The following BBS9 variants were observed in gnomAD, a reference collection of about 807,000 sequenced individuals.
BBS9 encodes the protein protein PTHB1.
In BBS9, 89 loss-of-function variants were observed where a neutral mutation model predicts 117.7. The observed-to-expected ratio is 0.76, with a 90% CI of 0.64 to 0.90. The LOEUF is 0.90. BBS9 is among the 40% of genes least tolerant of loss of function. BBS9 has a pLI of 0.00. For synonymous variants in BBS9, 379 were observed against 370.9 expected (o/e 1.02, Z -0.25); for missense variants, 982 against 1,042.2 (o/e 0.94, Z 0.80).
chr7:33,403,768 A>G (rs185336979), intron 19 of BBS9, among the ~76,000 whole-genome samples: 123 of 152,208 alleles, frequency 8.1e-4, no homozygotes, highest in African/African-American at 2.7e-3. Context: ...TAGTGCCGCA[A>G]TAGACATACG....
intron 19 of BBS9, among the ~76,000 whole-genome samples, chr7:33,414,857 A>G (rs1831720019): frequency 4.7e-3 from 1 of 212 alleles, no homozygotes; most frequent in African/African-American, 0.019. Flanking sequence ...CCTAATACAA[A>G]TGTTCACTTC....
At chr7:33,499,460 C>T (rs1267257317) in intron 19 of BBS9, among the ~76,000 whole-genome samples, 2 of 152,272 alleles carry the variant, frequency 1.3e-5, no homozygotes, top group South Asian at 2.1e-4. Flanking sequence ...ATAGGAATGT[C>T]GTTTTCTTAA....
intron 1 of BBS9, among the ~76,000 whole-genome samples, chr7:33,138,577 G>T (rs6973757): frequency 2.0e-5 from 3 of 150,862 alleles, no homozygotes. Flanking sequence ...GGGGATTTCA[G>T]GAGCTAACGA....
chr7:33,531,165 A>C (rs906414632), intron 20 of BBS9, among the ~76,000 whole-genome samples: 1 of 152,196 alleles, frequency 6.6e-6, no homozygotes, highest in Non-Finnish European at 1.5e-5. Context: ...GAATCACTTG[A>C]ACCTGGGAGG....
chr7:33,419,501 T>C (rs901112983), intron 19 of BBS9, among the ~76,000 whole-genome samples: 5 of 152,190 alleles, frequency 3.3e-5, no homozygotes, highest in Non-Finnish European at 7.4e-5. Context: ...CATTGTCACC[T>C]TATATAAATA....
intron 21 of BBS9, among the ~76,000 whole-genome samples, chr7:33,538,109 G>A (rs73107700): frequency 1.1e-4 from 17 of 152,286 alleles, no homozygotes; most frequent in Non-Finnish European, 2.1e-4. Flanking sequence ...TGCCTCAAGT[G>A]AACATTCTCT....
intron 13 of BBS9, 22 bp downstream of exon 13, chr7:33,349,192 A>T (rs775092883): frequency 2.6e-6 from 4 of 1,529,312 alleles, no homozygotes; most frequent in Non-Finnish European, 3.6e-6. Flanking sequence ...GTTTTGGCTG[A>T]AAGTCTACCA....
intron 12 of BBS9, chr7:33,346,356 A>G: frequency 2.4e-6 from 1 of 420,136 alleles, no homozygotes; most frequent in South Asian, 1.9e-5. Flanking sequence ...GTGACCATCT[A>G]TTCCAGGCAA....
chr7:33,542,546 G>C (rs1852497691), intron 21 of BBS9, among the ~76,000 whole-genome samples: 1 of 152,090 alleles, frequency 6.6e-6, no homozygotes, highest in African/African-American at 2.4e-5. Flanking sequence ...TGTCCTCATA[G>C]CTTAGCTCCC....
At chr7:33,172,147 G>T (rs1420469782) in intron 4 of BBS9, among the ~76,000 whole-genome samples, 2 of 152,114 alleles carry the variant, frequency 1.3e-5, no homozygotes, top group African/African-American at 4.8e-5. Flanking sequence ...TTGGGAGGCC[G>T]AGGTGGGCCG....
chr7:33,437,946 C>A (rs888801100), intron 19 of BBS9, among the ~76,000 whole-genome samples: 1 of 152,192 alleles, frequency 6.6e-6, no homozygotes, highest in Non-Finnish European at 1.5e-5. Flanking sequence ...ACTTTTTCAA[C>A]ATTTTTGCTG....
At chr7:33,515,503 C>T (rs10225233) in intron 20 of BBS9, among the ~76,000 whole-genome samples, 18,115 of 152,102 alleles carry the variant, frequency 0.12, 2,053 homozygotes, top group African/African-American at 0.3. Context: ...CTTTCCTTTT[C>T]GACTAAACTC....
intron 19 of BBS9, among the ~76,000 whole-genome samples, chr7:33,479,176 G>A (rs982160995): frequency 1.3e-5 from 2 of 152,044 alleles, no homozygotes; most frequent in East Asian, 1.9e-4. Context: ...GAGGTTTGGG[G>A]TATGAATGAT....
At chr7:33,336,365 G>T in intron 9 of BBS9, 76 bp from the exon 10 acceptor site, 1 of 1,090,434 alleles carries the variant, frequency 9.2e-7, no homozygotes. Context: ...ATGCTGAATT[G>T]AGTAAAAATG....
intron 13 of BBS9, among the ~76,000 whole-genome samples, chr7:33,350,094 C>T (rs1206339399): frequency 1.3e-5 from 2 of 152,206 alleles, no homozygotes; most frequent in East Asian, 3.9e-4. Context: ...TACTCCCAAC[C>T]ATTTATATCC....
intron 5 of BBS9, among the ~76,000 whole-genome samples, chr7:33,251,208 C>G (rs1211206418): frequency 6.6e-6 from 1 of 152,190 alleles, no homozygotes; most frequent in East Asian, 1.9e-4. Flanking sequence ...ATGGCTCTCT[C>G]TTAACTGCTT....
chr7:33,149,022 T>C (rs1186621802), intron 2 of BBS9, among the ~76,000 whole-genome samples: 1 of 152,156 alleles, frequency 6.6e-6, no homozygotes, highest in Non-Finnish European at 1.5e-5. Flanking sequence ...ATTTGCAATG[T>C]ATGAATGGGG....
chr7:33,544,043 G>A lies in BBS9; in HGVS notation c.2521+9867G>A, dbSNP rs191486314. On this transcript the variant is annotated intron_variant, in intron 21 of 22. Coordinates refer to ENST00000242067, the MANE Select transcript of BBS9 (RefSeq NM_198428.3). ...TCTGAAAGTGTGTCCAAAGATTCTT[G>A]AATTTTTGATTGTTTTTTCTTTAAG... Among the ~76,000 whole-genome samples the A allele has an allele frequency of 4.9e-4, 74 of 152,134 alleles. 1 individual carries two copies. Among genetic ancestry groups the A allele is most frequent in the African/African-American group, 1.3e-3 (56 of 41,514 alleles).
At chr7:33,493,795 G>A (rs779404078) in intron 19 of BBS9, among the ~76,000 whole-genome samples, 8 of 152,344 alleles carry the variant, frequency 5.3e-5, no homozygotes, top group Admixed American at 1.3e-4. Context: ...CATCCCATGA[G>A]TGTCTTGCTG....
Sources: gnomAD v4.1 joint callset for allele counts (sites outside exome capture counted in the v4.1 genomes callset) on GRCh38, gnomAD v4.1.1 for gene constraint, MANE v1.5 for transcripts, NCBI Gene and HGNC (gene_info 2026-07-23, HGNC 2026-07-21) for gene names.